The following WDR26 variants were observed in gnomAD, a reference collection of about 807,000 sequenced individuals.
The protein encoded by WDR26 is WD repeat domain 26.
Under a neutral mutation model 84.1 loss-of-function variants are expected in WDR26, and 5 were observed. That is an observed-to-expected ratio of 0.06 (90% confidence interval 0.03 to 0.13). The LOEUF is 0.13. WDR26 is among the 10% of genes least tolerant of loss of function. WDR26 has a pLI of 1.00. For missense variants in WDR26, 642 were observed against 974.9 expected (o/e 0.66, Z 4.55); for synonymous variants, 415 against 389.6 (o/e 1.07, Z -0.77).
At chr1:224,395,210 A>G (rs1379566071) in intron 12 of WDR26, among the ~76,000 whole-genome samples, 1 of 152,188 alleles carries the variant, frequency 6.6e-6, no homozygotes, top group African/African-American at 2.4e-5. Context: ...ATGTTGTTAT[A>G]AGGATTAAAT....
chr1:224,405,688 G>A (rs1277723573), intron 7 of WDR26, among the ~76,000 whole-genome samples: 8 of 152,190 alleles, frequency 5.3e-5, no homozygotes, highest in Non-Finnish European at 8.8e-5. Flanking sequence ...TGTTTGTAGT[G>A]CAATGGGGAT....
At position 224,418,283 on chromosome 1, in the gene WDR26, C is replaced by G; in HGVS notation, c.1296G>C (p.Leu432=). The change falls in exon 6 of 14, where the codon CTG becomes CTC. Residue 432 remains leucine, a synonymous_variant. Coordinates refer to ENST00000414423, the MANE Select transcript of WDR26 (RefSeq NM_001379403.1). ...ACCTACTACAAACATGGTCTATAAG[C>G]AGAGACACAGAATCTAGATTATTAT... 1.2e-6 allele frequency: 2 copies of G among 1,611,840 alleles called. No individual in the cohort carries two copies. Among genetic ancestry groups the G allele is most frequent in the Admixed American group, 3.4e-5 (2 of 59,632 alleles).
chr1:224,401,779 A>G (rs967173596), intron 8 of WDR26, among the ~76,000 whole-genome samples: 6 of 151,602 alleles, frequency 4.0e-5, no homozygotes, highest in African/African-American at 1.5e-4. Context: ...GTTAAATTTC[A>G]TATTCAAATG....
chr1:224,434,358 G>A lies in WDR26; in HGVS notation c.48C>T (p.Ser16=), dbSNP rs1017677401. Residue 16 remains serine (S), a synonymous_variant, in exon 1 of 14, where the codon TCC becomes TCT. Coordinates refer to ENST00000414423, the MANE Select transcript of WDR26 (RefSeq NM_001379403.1). ...GGGAGGCTCCGCCGGTGTCCGAGTC[G>A]GAGGAGGAGGAAGCGGAGGCCAGAG... 29 of 1,221,926 alleles carry A rather than the reference G, an allele frequency of 2.4e-5. No homozygotes were observed. Among genetic ancestry groups the A allele is most frequent in the Admixed American group, 4.2e-5 (1 of 23,576 alleles). 75.7% of individuals were successfully genotyped at this position (1,221,926 alleles called of 1,614,324 possible).
chr1:224,414,816 C>CAA (rs34111301), intron 6 of WDR26, among the ~76,000 whole-genome samples: 28 of 151,296 alleles, frequency 1.9e-4, no homozygotes, highest in South Asian at 4.2e-4. Context: ...ACCCCATCTC[C>CAA]AAAAAAAAGA....
intron 12 of WDR26, among the ~76,000 whole-genome samples, chr1:224,396,813 A>T (rs951549137): frequency 1.3e-5 from 2 of 152,112 alleles, no homozygotes; most frequent in African/African-American, 4.8e-5. Context: ...TGTTGGGGCT[A>T]CTTGAGGGGC....
intron 3 of WDR26, among the ~76,000 whole-genome samples, chr1:224,428,283 C>G (rs1034558287): frequency 2.6e-5 from 4 of 152,124 alleles, no homozygotes; most frequent in Non-Finnish European, 5.9e-5. Context: ...CTTAGAAAGT[C>G]TGGTTCTCAA....
rs763076722 is a variant in WDR26, at chr1:224,433,812, G to A, written c.594C>T (p.Thr198=). Reference sequence around the variant, plus strand: ...TGGCCAAGGAAGAGGAGGCGGCGGTGGTGGCGGAGGCAGCTGCGACGGTGG... The same window carrying A: ...TGGCCAAGGAAGAGGAGGCGGCGGTAGTGGCGGAGGCAGCTGCGACGGTGG... The change falls in exon 1 of 14, where the codon ACC becomes ACT. Residue 198 remains threonine (T), a synonymous_variant. Coordinates refer to ENST00000414423, the MANE Select transcript of WDR26 (RefSeq NM_001379403.1). 6.5e-7 allele frequency: 1 copy of A among 1,536,960 alleles called. No individual in the cohort carries two copies. Among genetic ancestry groups the A allele is most frequent in the Non-Finnish European group, 8.7e-7 (1 of 1,146,810 alleles).
chr1:224,432,172 G>A lies in WDR26; in HGVS notation c.723-391C>T, dbSNP rs192774018. 2.0e-5 allele frequency among the ~76,000 whole-genome samples: 3 copies of A among 152,330 alleles called. No individual in the cohort carries two copies. The East Asian group carries it at 5.8e-4, about 29-fold the overall frequency. ...AGCTTCACACAAGGTTAACAGAGAT[G>A]ACCGTATCAGTTAAGAGCTTATATA... On this transcript the variant is annotated intron_variant, in intron 1 of 13. Coordinates refer to ENST00000414423, the MANE Select transcript of WDR26 (RefSeq NM_001379403.1).
Position 224,388,932 on chromosome 1 carries a change from T to G in WDR26, c.*903A>C, listed in dbSNP as rs1281343716. On this transcript the variant is annotated 3_prime_UTR_variant, in exon 14 of 14. Coordinates refer to ENST00000414423, the MANE Select transcript of WDR26 (RefSeq NM_001379403.1). The stretch of plus-strand genomic sequence containing the variant: ...ATTTCTTCAAGATCGGGTACTGATG[T>G]TCCTTCAGGAATAAAACAAAAGGGG... 2 of 152,562 alleles carry G rather than the reference T, an allele frequency of 1.3e-5. No homozygotes were observed. Among genetic ancestry groups the G allele is most frequent in the Non-Finnish European group, 2.9e-5 (2 of 68,024 alleles). The allele number at this position is 152,562 out of a possible 1,614,324, so 9.5% of individuals were successfully genotyped here.
chr1:224,429,980 G>A (rs1300982975), intron 3 of WDR26: 1 of 152,146 alleles, frequency 6.6e-6, no homozygotes, highest in African/African-American at 2.4e-5. Flanking sequence ...TTTTAAACCA[G>A]TCCACAGGCA....
chr1:224,433,607 T>TCCCC, intron 1 of WDR26, 77 bp downstream of exon 1: 1 of 250,554 alleles, frequency 4.0e-6, no homozygotes. Context: ...CCCTCCCCCC[T>TCCCC]CCGCCCCTTC....
chr1:224,410,696 T>TTA (rs1387969854), intron 7 of WDR26, among the ~76,000 whole-genome samples: 1 of 143,212 alleles, frequency 7.0e-6, no homozygotes, highest in Non-Finnish European at 1.5e-5. Context: ...CTTTCTTTCT[T>TTA]TTTTTTTTTT....
At chr1:224,431,052 G>C (rs1052847157) in intron 3 of WDR26, 3 of 155,132 alleles carry the variant, frequency 1.9e-5, no homozygotes, top group African/African-American at 7.3e-5. Context: ...TGAATTAACT[G>C]TAATTCCCAA....
In WDR26 at chr1:224,411,469, T is replaced by C; in HGVS notation, c.1416A>G (p.Thr472=). ...TGATAACTGTTGTATCTTTTGATCC[T>C]GTTGCTAGTTTAGTGCCATCATTAG... The change falls in exon 7 of 14, where the codon ACA becomes ACG. Residue 472 remains threonine (T), a synonymous_variant. Coordinates refer to ENST00000414423, the MANE Select transcript of WDR26 (RefSeq NM_001379403.1). 6.2e-7 allele frequency: 1 copy of C among 1,613,686 alleles called. No homozygotes were observed. Among genetic ancestry groups the C allele is most frequent in the Non-Finnish European group, 8.5e-7 (1 of 1,179,816 alleles).
At chr1:224,390,310 G>C (rs1008978136) in intron 13 of WDR26, among the ~76,000 whole-genome samples, 1 of 152,202 alleles carries the variant, frequency 6.6e-6, no homozygotes, top group Non-Finnish European at 1.5e-5. Flanking sequence ...TGTAGAGACA[G>C]GGTTTCGCCA....
intron 5 of WDR26, among the ~76,000 whole-genome samples, chr1:224,418,717 G>A (rs183058679): frequency 1.6e-3 from 242 of 152,314 alleles, no homozygotes; most frequent in African/African-American, 5.1e-3. Flanking sequence ...AGACAACAAT[G>A]AAAAGAATAT....
At chr1:224,389,906 G>GTTGGC in intron 13 of WDR26, 46 bp from the exon 14 acceptor site, 1 of 470,796 alleles carries the variant, frequency 2.1e-6, no homozygotes, top group Non-Finnish European at 4.0e-6. Context: ...GCGGGGGAGG[G>GTTGGC]AAGAGGGGAA....
At chr1:224,410,068 G>T (rs1673691233) in intron 7 of WDR26, among the ~76,000 whole-genome samples, 1 of 151,876 alleles carries the variant, frequency 6.6e-6, no homozygotes, top group Non-Finnish European at 1.5e-5. Flanking sequence ...ATCACCTGAG[G>T]TCAGGAGTTT....
Sources: gnomAD v4.1 joint callset for allele counts (sites outside exome capture counted in the v4.1 genomes callset) on GRCh38, gnomAD v4.1.1 for gene constraint, MANE v1.5 for transcripts, NCBI Gene and HGNC (gene_info 2026-07-23, HGNC 2026-07-21) for gene names.